The following KCNK2 variants were observed in gnomAD, a reference collection of about 807,000 sequenced individuals.
KCNK2 encodes the protein potassium channel subfamily K member 2.
Under a neutral mutation model 40.5 loss-of-function variants are expected in KCNK2, and 21 were observed. The ratio of observed to expected loss-of-function variants is 0.52; its 90% CI spans 0.37 to 0.75. KCNK2 has a LOEUF of 0.75. Among genes scored for constraint, KCNK2 ranks in the 30% least tolerant of loss-of-function variants. The probability of loss-of-function intolerance (pLI) is 0.00; values close to 1 mark genes in which losing one functional copy is unlikely to be tolerated. For synonymous variants in KCNK2, 191 were observed against 202.2 expected (o/e 0.94, Z 0.47); for missense variants, 399 against 531.6 (o/e 0.75, Z 2.45).
intron 1 of KCNK2, among the ~76,000 whole-genome samples, chr1:215,016,383 G>T (rs1490640869): frequency 6.6e-6 from 1 of 152,066 alleles, no homozygotes; most frequent in African/African-American, 2.4e-5. Context: ...TAATAAAACA[G>T]CATGGTACTG....
chr1:215,134,084 GA>G lies in KCNK2; in HGVS notation c.475+9340del, dbSNP rs565125472. On this transcript the variant is annotated intron_variant, in intron 3 of 6. Transcript: ENST00000444842. The stretch of plus-strand genomic sequence containing the variant: ...TTGCCAAAGCCAAGCAGTTAGAGAA[GA>G]AAAAATGAAAGTAAGGGTGTAAAAG... Among the ~76,000 whole-genome samples the G allele has an allele frequency of 4.4e-3, 627 of 141,644 alleles. 4 individuals are homozygous for G. The highest frequency in any genetic ancestry group is 6.3e-3 in the Non-Finnish European group (415 of 65,574). The allele number at this position is 141,644 out of a possible 152,430, so 92.9% of individuals were successfully genotyped here.
chr1:215,158,713 T>C (rs1663055778), intron 3 of KCNK2, among the ~76,000 whole-genome samples: 1 of 152,126 alleles, frequency 6.6e-6, no homozygotes, highest in Non-Finnish European at 1.5e-5. Context: ...TGTCGTCTTA[T>C]GCAAAAACAA....
intron 2 of KCNK2, among the ~76,000 whole-genome samples, chr1:215,092,950 C>G (rs1659754572): frequency 6.6e-6 from 1 of 152,110 alleles, no homozygotes; most frequent in South Asian, 2.1e-4. Context: ...CAGGTCAGCA[C>G]AGCCATGTGA....
In KCNK2 at chr1:215,101,921, G is replaced by A. The variant is rs78450962; in HGVS notation, c.357+15243G>A. 9.7e-3 allele frequency among the ~76,000 whole-genome samples: 1,470 copies of A among 151,768 alleles called. 23 individuals carry two copies. Among genetic ancestry groups the A allele is most frequent in the South Asian group, 0.061 (292 of 4,806 alleles). On this transcript the variant is annotated intron_variant, in intron 2 of 6. Transcript: ENST00000444842. The stretch of plus-strand genomic sequence containing the variant: ...AATGACAATAAACAACTGTGTTACC[G>A]GTTTGTGTATTCACTATACTATACT...
intron 1 of KCNK2, among the ~76,000 whole-genome samples, chr1:215,068,049 C>CT (rs397782084): frequency 0.03 from 4,197 of 138,194 alleles, 123 homozygotes; most frequent in South Asian, 0.1. Context: ...GTTTCTTTTT[C>CT]TTTTTTTTTT....
chr1:215,173,817 G>A (rs1214794326), intron 5 of KCNK2, among the ~76,000 whole-genome samples: 1 of 152,102 alleles, frequency 6.6e-6, no homozygotes, highest in Admixed American at 6.6e-5. Flanking sequence ...TGATGGGGTT[G>A]TTTGTTTTTC....
At chr1:215,170,052 T>C (rs1663631959) in intron 4 of KCNK2, among the ~76,000 whole-genome samples, 1 of 152,184 alleles carries the variant, frequency 6.6e-6, no homozygotes, top group African/African-American at 2.4e-5. Flanking sequence ...AATGGTACTA[T>C]GGAGGCATCA....
chr1:215,190,861 T>A (rs2102659632), intron 5 of KCNK2, among the ~76,000 whole-genome samples: 1 of 152,302 alleles, frequency 6.6e-6, no homozygotes, highest in Admixed American at 6.5e-5. Flanking sequence ...AGGTAATCAG[T>A]AAGTCTTCCT....
intron 1 of KCNK2, among the ~76,000 whole-genome samples, chr1:215,022,897 C>CTCCT (rs1255254297): frequency 6.6e-6 from 1 of 152,210 alleles, no homozygotes; most frequent in Non-Finnish European, 1.5e-5. Flanking sequence ...CAGTGATTTA[C>CTCCT]TCCTTCCTTC....
intron 1 of KCNK2, among the ~76,000 whole-genome samples, chr1:215,021,861 A>C (rs953784903): frequency 8.5e-5 from 13 of 152,050 alleles, no homozygotes; most frequent in Admixed American, 4.6e-4. Flanking sequence ...AACCATCTTC[A>C]TCTGCCCTTG....
intron 1 of KCNK2, among the ~76,000 whole-genome samples, chr1:215,057,331 A>G (rs981989324): frequency 3.3e-5 from 5 of 152,196 alleles, no homozygotes; most frequent in Non-Finnish European, 5.9e-5. Context: ...TAGGCATACA[A>G]CAAATGTCCC....
intron 1 of KCNK2, among the ~76,000 whole-genome samples, chr1:215,053,759 G>C (rs1658066005): frequency 6.6e-6 from 1 of 152,180 alleles, no homozygotes; most frequent in African/African-American, 2.4e-5. Context: ...TTAAGGCCAG[G>C]AGTTCGAGAC....
At position 215,059,221 on chromosome 1, in the gene KCNK2, G is replaced by A. The variant is rs187860655; in HGVS notation, c.35-27147G>A. 4.6e-5 allele frequency among the ~76,000 whole-genome samples: 7 copies of A among 152,048 alleles called. No homozygotes were observed. In the East Asian group the frequency reaches 7.7e-4, roughly 17 times the overall value. ...GAATTTTAGCTCCAGGAGAGCAGAG[G>A]CCTTGCCCATCTAGTTCACAGAATC... is the stretch of plus-strand genomic sequence containing the variant. On this transcript the variant is annotated intron_variant, in intron 1 of 6. Transcript: ENST00000391895.
chr1:215,164,319 T>A (rs1663344331), intron 3 of KCNK2, among the ~76,000 whole-genome samples: 1 of 152,188 alleles, frequency 6.6e-6, no homozygotes, highest in East Asian at 1.9e-4. Context: ...TTTTCTTTTT[T>A]ATTAGTCTAG....
At chr1:215,006,135 A>C (rs1656120288) in intron 1 of KCNK2, among the ~76,000 whole-genome samples, 1 of 152,180 alleles carries the variant, frequency 6.6e-6, no homozygotes, top group Non-Finnish European at 1.5e-5. Context: ...ATGACCTTGC[A>C]ACACTGAAAT....
At chr1:215,210,135 T>C (rs1558141766) in intron 6 of KCNK2, among the ~76,000 whole-genome samples, 2 of 126,606 alleles carry the variant, frequency 1.6e-5, no homozygotes, top group African/African-American at 5.8e-5. Context: ...ATATACACTA[T>C]AAATATATAG....
chr1:215,066,229 T>C (rs1421193508), intron 1 of KCNK2, among the ~76,000 whole-genome samples: 3 of 152,102 alleles, frequency 2.0e-5, no homozygotes, highest in Non-Finnish European at 4.4e-5. Flanking sequence ...CAAACCTGCA[T>C]GTTCTGCACA....
intron 6 of KCNK2, among the ~76,000 whole-genome samples, chr1:215,230,542 T>TATATATATAC (rs1409117172): frequency 4.6e-5 from 4 of 87,422 alleles, no homozygotes; most frequent in South Asian, 3.0e-4. Flanking sequence ...TGTATATATA[T>TATATATATAC]ACACACACAT....
chr1:215,008,649 G>A (rs1339271972), intron 1 of KCNK2, among the ~76,000 whole-genome samples: 1 of 152,110 alleles, frequency 6.6e-6, no homozygotes, highest in Non-Finnish European at 1.5e-5. Context: ...CGATAAGATG[G>A]TTAAACGACA....
Sources: allele counts gnomAD v4.1 joint callset (sites outside exome capture counted in the v4.1 genomes callset), GRCh38; gene constraint gnomAD v4.1.1; transcripts MANE v1.5; gene names NCBI Gene and HGNC (gene_info 2026-07-23, HGNC 2026-07-21).